The following EZH2 variants were observed in gnomAD, a reference collection of about 807,000 sequenced individuals.
The protein encoded by EZH2 is enhancer of zeste 2 polycomb repressive complex 2 subunit, also known as histone-lysine N-methyltransferase EZH2.
A neutral mutation model predicts 98.4 loss-of-function variants in EZH2; 18 were observed. The observed-to-expected ratio is 0.18, with a 90% CI of 0.13 to 0.27. The LOEUF (loss-of-function observed/expected upper bound fraction) is 0.27. Among genes scored for constraint, EZH2 ranks in the 10% least tolerant of loss-of-function variants. The pLI, the probability that EZH2 is intolerant of heterozygous loss-of-function variation, is 1.00. For missense variants in EZH2, 470 were observed against 935.1 expected (o/e 0.50, Z 6.49); for synonymous variants, 338 against 312.3 (o/e 1.08, Z -0.87).
In EZH2 at chr7:148,874,030, G is replaced by A. The variant is rs75135022; in HGVS notation, c.-8+10134C>T. Among the ~76,000 whole-genome samples the A allele has an allele frequency of 5.1e-3, 773 of 152,262 alleles. 10 individuals carry two copies. The highest frequency in any genetic ancestry group is 0.018 in the African/African-American group (755 of 41,546). On this transcript the variant is annotated intron_variant, in intron 1 of 19. Transcript: ENST00000320356. ...AAGAGGACAGGCACAGAATCTCCAC[G>A]TGAAATTTCCTGTAGACTAGTAAGA...
rs114890457 is a variant in EZH2 at position 148,825,274 on chromosome 7, T to G, written c.907+1180A>C. Among the ~76,000 whole-genome samples, 1,298 of 152,340 alleles carry G rather than the reference T, an allele frequency of 8.5e-3. 30 individuals carry two copies. Among genetic ancestry groups the G allele is most frequent in the African/African-American group, 0.03 (1,244 of 41,580 alleles). On this transcript the variant is annotated intron_variant, in intron 8 of 19. Transcript: ENST00000320356. ...AAGACAACTATTTCAAGGGCTTAAC[T>G]GTCCAATGGCTGAAGCAACAAATGG...
chr7:148,868,058 A>G (rs1818802837), intron 1 of EZH2, among the ~76,000 whole-genome samples: 1 of 152,162 alleles, frequency 6.6e-6, no homozygotes, highest in Non-Finnish European at 1.5e-5. Context: ...AAACCATTCA[A>G]CAAGTCTCTA....
At chr7:148,881,315 G>T (rs1490741125) in intron 1 of EZH2, among the ~76,000 whole-genome samples, 1 of 152,094 alleles carries the variant, frequency 6.6e-6, no homozygotes, top group Non-Finnish European at 1.5e-5. Context: ...AAAGAAGGAA[G>T]GTATCCTGGG....
intron 9 of EZH2, 61 bp from the exon 10 acceptor site, chr7:148,818,178 A>G (rs1189964076): frequency 1.4e-6 from 2 of 1,439,794 alleles, no homozygotes; most frequent in Non-Finnish European, 1.9e-6. Flanking sequence ...GATGGAAGAG[A>G]AAAAAAAATA....
intron 1 of EZH2, among the ~76,000 whole-genome samples, chr7:148,880,655 T>C (rs983675404): frequency 6.6e-6 from 1 of 152,200 alleles, no homozygotes; most frequent in African/African-American, 2.4e-5. Flanking sequence ...TCATTCCCTA[T>C]TAAAGAGGGA....
At chr7:148,878,572 C>T (rs1016825054) in intron 1 of EZH2, among the ~76,000 whole-genome samples, 2 of 152,130 alleles carry the variant, frequency 1.3e-5, no homozygotes, top group African/African-American at 4.8e-5. Context: ...TGTTAATTCG[C>T]CTGTTGGCAG....
intron 1 of EZH2, among the ~76,000 whole-genome samples, chr7:148,865,614 GA>G (rs994005201): frequency 3.9e-5 from 6 of 152,168 alleles, no homozygotes; most frequent in African/African-American, 1.4e-4. Flanking sequence ...CATTCTAGAG[GA>G]AAAATGGGCT....
chr7:148,862,797 A>G (rs1028289388), intron 1 of EZH2, among the ~76,000 whole-genome samples: 4 of 152,222 alleles, frequency 2.6e-5, no homozygotes, highest in African/African-American at 7.2e-5. Flanking sequence ...TTCATCAAGG[A>G]CATTCTCAAA....
At chr7:148,874,413 A>C (rs1252736163) in intron 1 of EZH2, among the ~76,000 whole-genome samples, 3 of 151,896 alleles carry the variant, frequency 2.0e-5, no homozygotes, top group Non-Finnish European at 2.9e-5. Flanking sequence ...GAAAAAAAAA[A>C]CACCTATCAG....
chr7:148,808,772 G>C (rs734005), intron 19 of EZH2, among the ~76,000 whole-genome samples: 1 of 152,048 alleles, frequency 6.6e-6, no homozygotes, highest in Non-Finnish European at 1.5e-5. Context: ...CTCCACGAGT[G>C]AGCATGCAGC....
chr7:148,873,080 G>A (rs1004192845), intron 1 of EZH2, among the ~76,000 whole-genome samples: 2 of 152,142 alleles, frequency 1.3e-5, no homozygotes, highest in African/African-American at 4.8e-5. Context: ...CTACTTGGGA[G>A]GCTGAGATGG....
At chr7:148,809,775 C>T (rs779206804) in intron 17 of EZH2, among the ~76,000 whole-genome samples, 3 of 152,060 alleles carry the variant, frequency 2.0e-5, no homozygotes, top group Non-Finnish European at 4.4e-5. Flanking sequence ...AGAAAAAAAC[C>T]TATTCTACTT....
chr7:148,873,140 G>A (rs1388209491), intron 1 of EZH2, among the ~76,000 whole-genome samples: 8 of 151,804 alleles, frequency 5.3e-5, no homozygotes, highest in East Asian at 1.9e-4. Context: ...CTATGATCAC[G>A]CCACTATACT....
intron 1 of EZH2, among the ~76,000 whole-genome samples, chr7:148,857,730 G>A (rs150565032): frequency 0.019 from 2,858 of 152,098 alleles, 108 homozygotes; most frequent in African/African-American, 0.065. Context: ...CAGCCTGGGC[G>A]ACAGAGCGAG....
intron 1 of EZH2, among the ~76,000 whole-genome samples, chr7:148,881,929 G>A (rs1821018295): frequency 7.7e-6 from 1 of 130,106 alleles, no homozygotes; most frequent in African/African-American, 3.0e-5. Flanking sequence ...GCAAGGCTCT[G>A]TCTCAAAAAA....
rs1802406185 is a variant in EZH2 at position 148,809,314 on chromosome 7, T to C, written c.2106A>G (p.Ala702=). The part of the protein sequence containing the change: ...ANHSVNPNCY[A]KVMMVNGDHR... ...TCTCACGTCAAAGGTACCTACCTTT[T>C]GCATAGCAGTTTGGATTTACCGAAT... Residue 702 remains alanine (A), a synonymous_variant, in exon 18 of 20, where the codon GCA becomes GCG. Coordinates refer to ENST00000320356, the MANE Select transcript of EZH2 (RefSeq NM_004456.5). 1 of 1,601,420 alleles carries C rather than the reference T, an allele frequency of 6.2e-7. No homozygotes were observed. The highest frequency in any genetic ancestry group is 1.1e-5 in the South Asian group (1 of 90,828).
At chr7:148,848,244 C>T (rs569853080) in intron 1 of EZH2, among the ~76,000 whole-genome samples, 19 of 152,172 alleles carry the variant, frequency 1.2e-4, no homozygotes, top group South Asian at 4.2e-4. Context: ...AAAGGGTGTG[C>T]GGTGAGGGAG....
chr7:148,840,121 G>A (rs1812057902), intron 3 of EZH2, among the ~76,000 whole-genome samples: 1 of 152,140 alleles, frequency 6.6e-6, no homozygotes, highest in South Asian at 2.1e-4. Flanking sequence ...AAACTTTTGA[G>A]GGTGCATTTG....
rs770030757 is a variant in EZH2 at position 148,827,265 on chromosome 7, A to T, written c.627T>A (p.Asp209Glu). Residue 209 changes from aspartate (D) to glutamate (E), a missense_variant and splice_region_variant, in exon 7 of 20, where the codon GAT (aspartate) becomes GAA (glutamate). By Grantham distance (45) the Asp-to-Glu change is conservative. Around this residue, in one of 6 missense-constraint regions of EZH2, gnomAD observed 69 missense variants for 78.3 expected, o/e 0.88. Transcript: ENST00000320356. ...ATTTCCGAGGTGGGCGGCTTTCTTT[A>T]TCTAAACAGGAGAATATGAAAGGAA... ...KQKDLEDHRD[D>E]KESRPPRKFP... The T allele has an allele frequency of 6.2e-7, 1 of 1,611,350 alleles. No homozygotes were observed. Among genetic ancestry groups the T allele is most frequent in the Admixed American group, 1.7e-5 (1 of 59,844 alleles).
Sources: gnomAD v4.1 joint callset for allele counts (sites outside exome capture counted in the v4.1 genomes callset) on GRCh38, gnomAD v4.1.1 for gene constraint, gnomAD v4.1.1 regional missense constraint, MANE v1.5 for transcripts, NCBI Gene and HGNC (gene_info 2026-07-23, HGNC 2026-07-21) for gene names.